The following ACTG2 variants were observed in gnomAD, a reference collection of about 807,000 sequenced individuals.
ACTG2 encodes the protein actin, gamma-enteric smooth muscle.
ACTG2 carries 16 observed loss-of-function variants against 37.6 expected under a neutral mutation model. The ratio of observed to expected loss-of-function variants is 0.43; its 90% CI spans 0.29 to 0.65. ACTG2 has a LOEUF of 0.65. ACTG2 is among the 30% of genes least tolerant of loss of function. The probability of loss-of-function intolerance (pLI) is 0.18; values close to 1 mark genes in which losing one functional copy is unlikely to be tolerated. For synonymous variants in ACTG2, 181 were observed against 179.9 expected, an observed-to-expected ratio of 1.01 and a Z score of -0.05; for missense variants, 238 against 490.9, an observed-to-expected ratio of 0.48 and a Z score of 4.87.
intron 1 of ACTG2, among the ~76,000 whole-genome samples, chr2:73,894,151 T>A (rs72814192): frequency 6.6e-6 from 1 of 152,028 alleles, no homozygotes; most frequent in Non-Finnish European, 1.5e-5. Flanking sequence ...AAAACACAGA[T>A]TGCCCCATGC....
At chr2:73,915,825 A>G (rs1345168805) in intron 7 of ACTG2, among the ~76,000 whole-genome samples, 2 of 152,196 alleles carry the variant, frequency 1.3e-5, no homozygotes, top group African/African-American at 4.8e-5. Context: ...AAACATCCAG[A>G]ATAGGCAAAC....
chr2:73,913,478 T>C lies in ACTG2; in HGVS notation c.452-7T>C. 1.9e-6 allele frequency: 3 copies of C among 1,598,536 alleles called. No homozygotes were observed. The highest frequency in any genetic ancestry group is 2.6e-6 in the Non-Finnish European group (3 of 1,168,880). Reference sequence around the variant, plus strand: ...AATTTTATAAGCCTGATCCTCTCTGTCCACAGGCATCGTCCTGGATTCAGG... The same window carrying C: ...AATTTTATAAGCCTGATCCTCTCTGCCCACAGGCATCGTCCTGGATTCAGG... On this transcript the variant is annotated splice_region_variant and splice_polypyrimidine_tract_variant and intron_variant, in intron 5 of 8. Transcript: ENST00000345517.
chr2:73,895,817 G>T (rs959145013), intron 1 of ACTG2, among the ~76,000 whole-genome samples: 5 of 152,164 alleles, frequency 3.3e-5, no homozygotes, highest in Admixed American at 2.0e-4. Context: ...TGACGACAGG[G>T]ATTGACGAAG....
At chr2:73,917,126 C>G (rs1448814744) in intron 8 of ACTG2, among the ~76,000 whole-genome samples, 2 of 151,890 alleles carry the variant, frequency 1.3e-5, no homozygotes, top group Non-Finnish European at 2.9e-5. Flanking sequence ...ACAATGAGCT[C>G]TAACTGTGCC....
intron 3 of ACTG2, among the ~76,000 whole-genome samples, chr2:73,906,140 G>A (rs544436057): frequency 6.6e-6 from 1 of 152,154 alleles, no homozygotes; most frequent in East Asian, 1.9e-4. Context: ...TGGACATAGG[G>A]GAGATTTTTA....
At chr2:73,911,914 A>G (rs958554506) in intron 5 of ACTG2, among the ~76,000 whole-genome samples, 1 of 152,230 alleles carries the variant, frequency 6.6e-6, no homozygotes, top group African/African-American at 2.4e-5. Context: ...TTAATCATTT[A>G]TTCACTGATT....
At chr2:73,903,843 G>A (rs1003316925) in intron 3 of ACTG2, among the ~76,000 whole-genome samples, 4 of 151,628 alleles carry the variant, frequency 2.6e-5, no homozygotes, top group Non-Finnish European at 4.4e-5. Context: ...GGGAGGCTGC[G>A]GCAGGAGAAT....
chr2:73,912,751 G>A (rs866992473), intron 5 of ACTG2, among the ~76,000 whole-genome samples: 1 of 152,116 alleles, frequency 6.6e-6, no homozygotes, highest in Non-Finnish European at 1.5e-5. Flanking sequence ...GACAATTTTG[G>A]TAGTCACACC....
intron 3 of ACTG2, 195 bp from the exon 4 acceptor site, chr2:73,908,478 C>A: frequency 1.6e-6 from 1 of 644,842 alleles, no homozygotes. Flanking sequence ...AGGTCTGAGT[C>A]CTACCTGGGG....
chr2:73,912,240 C>T (rs1444929974), intron 5 of ACTG2, among the ~76,000 whole-genome samples: 2 of 152,320 alleles, frequency 1.3e-5, no homozygotes, highest in African/African-American at 4.8e-5. Context: ...ACACCACAAC[C>T]TCCACCTCCC....
At chr2:73,908,335 A>G (rs1276879476) in intron 3 of ACTG2, 1 of 482,848 alleles carries the variant, frequency 2.1e-6, no homozygotes, top group Non-Finnish European at 4.3e-6. Flanking sequence ...CAGAAGCCAG[A>G]AAGCAATGAA....
intron 5 of ACTG2, among the ~76,000 whole-genome samples, chr2:73,912,611 A>C (rs1484364763): frequency 1.3e-5 from 2 of 152,164 alleles, no homozygotes; most frequent in African/African-American, 4.8e-5. Context: ...GTCCTTACAC[A>C]AGAGTAAGTT....
chr2:73,906,423 C>A (rs939993265), intron 3 of ACTG2, among the ~76,000 whole-genome samples: 7 of 151,740 alleles, frequency 4.6e-5, no homozygotes, highest in African/African-American at 1.7e-4. Context: ...TGTACTCCAG[C>A]CTGGGCGACA....
At chr2:73,908,606 G>A in intron 3 of ACTG2, 67 bp from the exon 4 acceptor site, 1 of 1,327,626 alleles carries the variant, frequency 7.5e-7, no homozygotes, top group South Asian at 1.3e-5. Flanking sequence ...CCCAGCATGG[G>A]AATGTCAATG....
intron 7 of ACTG2, among the ~76,000 whole-genome samples, chr2:73,915,543 G>A (rs77295976): frequency 0.026 from 3,878 of 147,202 alleles, 157 homozygotes; most frequent in African/African-American, 0.092. Context: ...AAAAAGAGTA[G>A]AGGTAAGTAG....
At chr2:73,908,519 G>A (rs1222498237) in intron 3 of ACTG2, 154 bp from the exon 4 acceptor site, 14 of 669,198 alleles carry the variant, frequency 2.1e-5, no homozygotes, top group Non-Finnish European at 3.6e-5. Flanking sequence ...CCCTTTAAAT[G>A]TCAATCAGAA....
intron 6 of ACTG2, 63 bp downstream of exon 6, chr2:73,913,709 T>G: frequency 7.1e-7 from 1 of 1,404,340 alleles, no homozygotes; most frequent in Non-Finnish European, 9.9e-7. Context: ...GGACAAGAAG[T>G]TCTCAGGACC....
chr2:73,901,582 CTGTGCGTG>C, intron 2 of ACTG2, 145 bp downstream of exon 2: 1 of 51,672 alleles, frequency 1.9e-5, no homozygotes, highest in Non-Finnish European at 3.4e-5. Context: ...GTGTGTGTGT[CTGTGCGTG>C]TGTGTGTGTG....
At chr2:73,895,033 G>A (rs975635548) in intron 1 of ACTG2, among the ~76,000 whole-genome samples, 1 of 152,208 alleles carries the variant, frequency 6.6e-6, no homozygotes, top group Non-Finnish European at 1.5e-5. Flanking sequence ...TGCCGTGCAG[G>A]TAGAAGTAAG....
Sources: allele counts gnomAD v4.1 joint callset (sites outside exome capture counted in the v4.1 genomes callset), GRCh38; gene constraint gnomAD v4.1.1; transcripts MANE v1.5; gene names NCBI Gene and HGNC (gene_info 2026-07-23, HGNC 2026-07-21).